Variants in TAF3 observed in about 807,000 individuals in gnomAD.
The protein encoded by TAF3 is TATA-box binding protein associated factor 3, also known as transcription initiation factor TFIID subunit 3.
TAF3 carries 7 observed loss-of-function variants against 80.6 expected under a neutral mutation model. The ratio of observed to expected loss-of-function variants is 0.09; its 90% CI spans 0.05 to 0.16. TAF3 has a LOEUF of 0.16. TAF3 is among the 10% of genes least tolerant of loss of function. The probability of loss-of-function intolerance (pLI) is 1.00; values close to 1 mark genes in which losing one functional copy is unlikely to be tolerated. For missense variants in TAF3, 921 were observed against 1,140.2 expected (o/e 0.81, Z 2.77); for synonymous variants, 444 against 446.1 (o/e 1.00, Z 0.06).
At chr10:7,907,274 G>A (rs1026570958) in intron 2 of TAF3, among the ~76,000 whole-genome samples, 2 of 152,108 alleles carry the variant, frequency 1.3e-5, no homozygotes, top group African/African-American at 4.8e-5. Flanking sequence ...TCATTGGTGC[G>A]ACTTAGATCA....
chr10:8,014,470 C>T (rs1832084639), intron 6 of TAF3, among the ~76,000 whole-genome samples, 167 bp from the exon 7 acceptor site: 2 of 152,170 alleles, frequency 1.3e-5, no homozygotes, highest in Admixed American at 1.3e-4. Context: ...CATCTGTGAT[C>T]TCATAGTCCG....
At chr10:7,846,937 A>G (rs1373831663) in intron 2 of TAF3, among the ~76,000 whole-genome samples, 2 of 152,198 alleles carry the variant, frequency 1.3e-5, no homozygotes, top group African/African-American at 2.4e-5. Context: ...CCAGAACATT[A>G]TATTTCAAGA....
intron 2 of TAF3, among the ~76,000 whole-genome samples, chr10:7,846,146 A>G (rs952788708): frequency 6.6e-6 from 1 of 151,844 alleles, no homozygotes; most frequent in African/African-American, 2.4e-5. Flanking sequence ...TTTGGTAGAG[A>G]TGGGGTTTCA....
chr10:7,874,503 G>C (rs1837296588), intron 2 of TAF3, among the ~76,000 whole-genome samples: 1 of 151,984 alleles, frequency 6.6e-6, no homozygotes, highest in African/African-American at 2.4e-5. Context: ...ATGATGGTGA[G>C]TATTTCATTA....
chr10:7,915,343 T>C (rs1035447877), intron 2 of TAF3, among the ~76,000 whole-genome samples: 2 of 151,626 alleles, frequency 1.3e-5, no homozygotes, highest in African/African-American at 4.8e-5. Context: ...GAGGGCTTTT[T>C]AGGCTCCTAA....
intron 2 of TAF3, among the ~76,000 whole-genome samples, chr10:7,929,011 T>C (rs1837842496): frequency 6.6e-6 from 1 of 152,224 alleles, no homozygotes; most frequent in Non-Finnish European, 1.5e-5. Context: ...TATTCTTTTG[T>C]TGCAAAGCAA....
chr10:7,917,654 C>T (rs994986696), intron 2 of TAF3, among the ~76,000 whole-genome samples: 4 of 152,114 alleles, frequency 2.6e-5, no homozygotes, highest in African/African-American at 9.7e-5. Context: ...GTTCTGAGGC[C>T]GTCACCGGTT....
chr10:7,965,170 A>G lies in TAF3; in HGVS notation c.1660A>G (p.Lys554Glu), dbSNP rs1564372993. 6.2e-7 allele frequency: 1 copy of G among 1,610,164 alleles called. No individual in the cohort carries two copies. The highest frequency in any genetic ancestry group is 1.7e-5 in the Admixed American group (1 of 59,098). ...REKDKNKDKS[K>E]EKDKVKEKEK... ...AAAAGACAAGAACAAGGACAAAAGT[A>G]AGGAGAAGGATAAAGTGAAAGAGAA... Residue 554 changes from lysine to glutamate, a missense_variant, in exon 3 of 7, where the codon AAG becomes GAG. By Grantham distance (56) the Lys-to-Glu change is moderately conservative (BLOSUM62 1). Coordinates refer to ENST00000344293, the MANE Select transcript of TAF3 (RefSeq NM_031923.4).
At chr10:7,906,150 A>G (rs1461585256) in intron 2 of TAF3, among the ~76,000 whole-genome samples, 9 of 152,172 alleles carry the variant, frequency 5.9e-5, no homozygotes, top group Admixed American at 5.2e-4. Flanking sequence ...TCTCTTGTCC[A>G]ATTCCTCTTT....
At chr10:7,939,574 AACT>A (rs1837957385) in intron 2 of TAF3, among the ~76,000 whole-genome samples, 1 of 113,044 alleles carries the variant, frequency 8.8e-6, no homozygotes, top group East Asian at 2.6e-4. Flanking sequence ...AATAGAAGAA[AACT>A]ACACACACAC....
At chr10:7,821,208 A>G (rs994108490) in intron 1 of TAF3, among the ~76,000 whole-genome samples, 7 of 90,186 alleles carry the variant, frequency 7.8e-5, no homozygotes, top group Non-Finnish European at 1.6e-4. Context: ...CATTATTCCC[A>G]CGTAATTTGG....
intron 2 of TAF3, among the ~76,000 whole-genome samples, chr10:7,869,131 TAG>T (rs1304308979): frequency 3.9e-5 from 6 of 152,204 alleles, no homozygotes; most frequent in Non-Finnish European, 8.8e-5. Flanking sequence ...AAAAATATTC[TAG>T]AAGATAGTAA....
intron 2 of TAF3, among the ~76,000 whole-genome samples, chr10:7,945,049 C>T (rs1838011243): frequency 6.6e-6 from 1 of 152,128 alleles, no homozygotes; most frequent in Non-Finnish European, 1.5e-5. Context: ...TAATTTTTTA[C>T]TCTATTTTCA....
rs17143036 is a variant in TAF3 at position 7,857,337 on chromosome 10, A to G, written c.409+32777A>G. Among the ~76,000 whole-genome samples the G allele has an allele frequency of 2.9e-4, 44 of 152,350 alleles. 1 individual carries two copies. Among genetic ancestry groups the G allele is most frequent in the East Asian group, 1.7e-3 (9 of 5,190 alleles). On this transcript the variant is annotated intron_variant, in intron 2 of 6. Coordinates refer to ENST00000344293, the MANE Select transcript of TAF3 (RefSeq NM_031923.4). The stretch of plus-strand genomic sequence containing the variant: ...AAACTTTGCCTTCCCTATCACAGGT[A>G]CATAGTTTTATCCGATTAGCAAGTT...
intron 2 of TAF3, among the ~76,000 whole-genome samples, chr10:7,906,921 A>G (rs1837613159): frequency 6.6e-6 from 1 of 151,554 alleles, no homozygotes; most frequent in Non-Finnish European, 1.5e-5. Flanking sequence ...TTGCCTCTTG[A>G]CATTCCTAAC....
intron 2 of TAF3, among the ~76,000 whole-genome samples, chr10:7,922,771 C>A (rs923291092): frequency 2.0e-5 from 3 of 152,004 alleles, no homozygotes; most frequent in East Asian, 3.9e-4. Context: ...TGTTTTCAAG[C>A]GATGTTAGAA....
At chr10:7,960,651 A>T (rs566553734) in intron 2 of TAF3, among the ~76,000 whole-genome samples, 2 of 152,340 alleles carry the variant, frequency 1.3e-5, no homozygotes, top group South Asian at 4.1e-4. Flanking sequence ...TAGAGCACGC[A>T]GGGGCTCACT....
At chr10:7,958,175 C>G (rs1838155360) in intron 2 of TAF3, among the ~76,000 whole-genome samples, 1 of 152,098 alleles carries the variant, frequency 6.6e-6, no homozygotes, top group African/African-American at 2.4e-5. Context: ...ATAGCCATTA[C>G]ACATGTATCT....
chr10:7,971,739 C>T (rs938298344), intron 3 of TAF3, among the ~76,000 whole-genome samples: 2 of 151,940 alleles, frequency 1.3e-5, no homozygotes, highest in African/African-American at 2.4e-5. Context: ...TTTGCAAGGC[C>T]GCACTGCTGG....
Sources: allele counts gnomAD v4.1 joint callset (sites outside exome capture counted in the v4.1 genomes callset), GRCh38; gene constraint gnomAD v4.1.1; transcripts MANE v1.5; gene names NCBI Gene and HGNC (gene_info 2026-07-23, HGNC 2026-07-21).